Variants in GALNT16 observed in about 807,000 individuals in gnomAD.
GALNT16 encodes the protein polypeptide N-acetylgalactosaminyltransferase 16.
Under a neutral mutation model 76.1 loss-of-function variants are expected in GALNT16, and 40 were observed. The ratio of observed to expected loss-of-function variants is 0.53; its 90% CI spans 0.41 to 0.68. The LOEUF is 0.68. GALNT16 is among the 30% of genes least tolerant of loss of function. The pLI is 0.00. For missense variants in GALNT16, 621 were observed against 731.9 expected, an observed-to-expected ratio of 0.85 and a Z score of 1.75; for synonymous variants, 276 against 285.2, an observed-to-expected ratio of 0.97 and a Z score of 0.32.
intron 1 of GALNT16, among the ~76,000 whole-genome samples, chr14:69,293,247 A>G (rs1389873576): frequency 6.6e-6 from 1 of 152,244 alleles, no homozygotes; most frequent in Non-Finnish European, 1.5e-5. Context: ...CACTGCTGCA[A>G]AGAAACCCAG....
At position 69,328,436 on chromosome 14, in the gene GALNT16, TACTCCTCTTGTA is replaced by T; in HGVS notation, c.569-13_569-2del. The T allele has an allele frequency of 6.2e-7, 1 of 1,612,992 alleles. No homozygotes were observed. The highest frequency in any genetic ancestry group is 1.1e-5 in the South Asian group (1 of 90,982). Reference sequence around the variant, plus strand: ...CCCAGTCCCAGCGCCAAGCCCTATCTACTCCTCTTGTAGGGCTGATCCGGTCCCGAGTGCGTG... The same window carrying T: ...CCCAGTCCCAGCGCCAAGCCCTATCTGGGCTGATCCGGTCCCGAGTGCGTG... On this transcript the variant is annotated splice_acceptor_variant and splice_polypyrimidine_tract_variant and intron_variant, in intron 5 of 14. Coordinates refer to ENST00000448469, the MANE Select transcript of GALNT16 (RefSeq NM_001168368.2). LOFTEE classifies it high-confidence loss of function.
At chr14:69,328,315 AT>A in intron 5 of GALNT16, 134 bp from the exon 6 acceptor site, 1 of 902,382 alleles carries the variant, frequency 1.1e-6, no homozygotes, top group Non-Finnish European at 1.7e-6. Context: ...AAGCAGAAGT[AT>A]AAAGTCAAAT....
chr14:69,284,582 T>C (rs2044584910), intron 1 of GALNT16, among the ~76,000 whole-genome samples: 1 of 152,224 alleles, frequency 6.6e-6, no homozygotes, highest in African/African-American at 2.4e-5. Context: ...GAACCTCTTA[T>C]TCAGCAAAAT....
chr14:69,324,642 C>T (rs769031037), intron 2 of GALNT16, 50 bp from the exon 3 acceptor site: 3 of 1,019,652 alleles, frequency 2.9e-6, no homozygotes, highest in Non-Finnish European at 4.5e-6. Context: ...CATTGACCTG[C>T]CCTGAGGATG....
At chr14:69,281,526 C>T (rs577612908) in intron 1 of GALNT16, among the ~76,000 whole-genome samples, 1 of 152,256 alleles carries the variant, frequency 6.6e-6, no homozygotes, top group East Asian at 1.9e-4. Context: ...CTGGTGGACC[C>T]AGTGCTCTGC....
chr14:69,271,788 G>A (rs559929063), intron 1 of GALNT16, among the ~76,000 whole-genome samples: 2 of 152,292 alleles, frequency 1.3e-5, no homozygotes, highest in African/African-American at 2.4e-5. Context: ...TACAGATCAA[G>A]TATCTGTGCT....
chr14:69,385,240 A>G, the GALNT16 span, among the ~76,000 whole-genome samples: 1 of 152,292 alleles, frequency 6.6e-6, no homozygotes, highest in African/African-American at 2.4e-5. Flanking sequence ...CATGATCACA[A>G]TGACTGATTT....
intron 1 of GALNT16, among the ~76,000 whole-genome samples, chr14:69,262,316 C>T (rs1340766839): frequency 6.6e-6 from 1 of 152,230 alleles, no homozygotes; most frequent in African/African-American, 2.4e-5. Flanking sequence ...CACCTCTCTC[C>T]TGCTCCTTCC....
the GALNT16 span, among the ~76,000 whole-genome samples, chr14:69,373,087 A>G: frequency 6.6e-6 from 1 of 152,350 alleles, no homozygotes; most frequent in South Asian, 2.1e-4. Flanking sequence ...GCAAGGACCC[A>G]GAACTGTGGG....
intron 1 of GALNT16, among the ~76,000 whole-genome samples, chr14:69,283,416 T>C (rs1194906343): frequency 1.3e-5 from 2 of 152,180 alleles, no homozygotes; most frequent in African/African-American, 2.4e-5. Flanking sequence ...ACTTGGTCTT[T>C]CATAGTCTGC....
intron 1 of GALNT16, among the ~76,000 whole-genome samples, chr14:69,273,475 A>G (rs72720298): frequency 0.045 from 6,890 of 152,312 alleles, 235 homozygotes; most frequent in Non-Finnish European, 0.071. Context: ...TCGATTAGCC[A>G]TGTCTGTAAA....
intron 1 of GALNT16, among the ~76,000 whole-genome samples, chr14:69,269,857 T>C (rs1177945456): frequency 1.3e-5 from 2 of 151,776 alleles, no homozygotes; most frequent in African/African-American, 2.4e-5. Flanking sequence ...TAGTGTGTGA[T>C]GTGAGGCTGG....
At chr14:69,368,092 G>A in the GALNT16 span, among the ~76,000 whole-genome samples, 3 of 152,212 alleles carry the variant, frequency 2.0e-5, no homozygotes, top group Admixed American at 1.3e-4. Flanking sequence ...TAGCACAGAA[G>A]AGGACAGACT....
At chr14:69,375,912 T>G in the GALNT16 span, among the ~76,000 whole-genome samples, 1 of 152,174 alleles carries the variant, frequency 6.6e-6, no homozygotes, top group African/African-American at 2.4e-5. Context: ...GTGCTGAGAT[T>G]ATTGGCATTA....
chr14:69,376,856 G>A, the GALNT16 span, among the ~76,000 whole-genome samples: 2 of 152,228 alleles, frequency 1.3e-5, no homozygotes, highest in East Asian at 3.9e-4. Flanking sequence ...ACTTGTAAAT[G>A]CGGCATGCTC....
intron 9 of GALNT16, among the ~76,000 whole-genome samples, chr14:69,335,600 A>C (rs932262449): frequency 6.6e-6 from 1 of 152,186 alleles, no homozygotes; most frequent in Non-Finnish European, 1.5e-5. Flanking sequence ...TGCCTGAGGC[A>C]AGGGCTCCGT....
chr14:69,275,440 G>A (rs2044459840), intron 1 of GALNT16, among the ~76,000 whole-genome samples: 1 of 152,226 alleles, frequency 6.6e-6, no homozygotes, highest in African/African-American at 2.4e-5. Context: ...CTGCATTGCA[G>A]AATTGATGAT....
intron 1 of GALNT16, among the ~76,000 whole-genome samples, chr14:69,309,380 G>T (rs867960041): frequency 6.7e-6 from 1 of 150,020 alleles, no homozygotes; most frequent in African/African-American, 2.5e-5. Flanking sequence ...ATAACTTATT[G>T]CAGCCTTGAA....
chr14:69,342,756 G>T (rs2045510970), intron 12 of GALNT16, among the ~76,000 whole-genome samples: 1 of 152,126 alleles, frequency 6.6e-6, no homozygotes, highest in Admixed American at 6.5e-5. Context: ...AGGACAGTGG[G>T]CAATAAGCTA....
Sources: allele counts gnomAD v4.1 joint callset (sites outside exome capture counted in the v4.1 genomes callset), GRCh38; gene constraint gnomAD v4.1.1; transcripts MANE v1.5; gene names NCBI Gene and HGNC (gene_info 2026-07-23, HGNC 2026-07-21).